Variants in CAMK4 observed in about 807,000 individuals in gnomAD.
The protein encoded by CAMK4 is calcium/calmodulin dependent protein kinase IV.
Under a neutral mutation model 44.9 loss-of-function variants are expected in CAMK4, and 22 were observed. That is an observed-to-expected ratio of 0.49 (90% CI 0.35 to 0.70). The LOEUF (loss-of-function observed/expected upper bound fraction) is 0.70. Ranked by LOEUF, CAMK4 falls within the 30% of genes least tolerant of loss-of-function variation. The pLI, the probability that CAMK4 is intolerant of heterozygous loss-of-function variation, is 0.01. For synonymous variants in CAMK4, 218 were observed against 215.4 expected (o/e 1.01, Z -0.11); for missense variants, 498 against 586.8 (o/e 0.85, Z 1.56).
At chr5:111,356,945 CAGAG>C (rs1214392662) in intron 2 of CAMK4, among the ~76,000 whole-genome samples, 3 of 151,654 alleles carry the variant, frequency 2.0e-5, no homozygotes, top group Non-Finnish European at 4.4e-5. Flanking sequence ...GACAGAAAGA[CAGAG>C]AGAGAGAGAC....
Position 111,459,686 on chromosome 5 carries a change from C to CTTTTTTTTTTTTTTTTT in CAMK4, c.625+10493_625+10509dup, listed in dbSNP as rs56176713. Among the ~76,000 whole-genome samples, 14 of 86,688 alleles carry CTTTTTTTTTTTTTTTTT rather than the reference C, an allele frequency of 1.6e-4. 1 individual carries two copies. Among genetic ancestry groups the CTTTTTTTTTTTTTTTTT allele is most frequent in the African/African-American group, 7.0e-4 (14 of 20,122 alleles). 56.9% of individuals were successfully genotyped at this position (86,688 alleles called of 152,430 possible). ...TGTTCTCTTTGAGTTTAGAGACAGT[C>CTTTTTTTTTTTTTTTTT]TTTTTTTTTTTTTTTTTTTTTTTTT... On this transcript the variant is annotated intron_variant, in intron 7 of 10. Transcript: ENST00000282356.
chr5:111,426,865 A>G (rs574227524), intron 5 of CAMK4, among the ~76,000 whole-genome samples: 8 of 152,180 alleles, frequency 5.3e-5, no homozygotes, highest in Non-Finnish European at 1.0e-4. Flanking sequence ...GTTTCCACAA[A>G]CCTCATCACC....
At chr5:111,308,691 A>T (rs1045158976) in intron 1 of CAMK4, among the ~76,000 whole-genome samples, 1 of 152,194 alleles carries the variant, frequency 6.6e-6, no homozygotes, top group African/African-American at 2.4e-5. Flanking sequence ...AGTTATGTAA[A>T]ATTCTCCTAG....
At chr5:111,266,916 G>C (rs373233652) in intron 1 of CAMK4, among the ~76,000 whole-genome samples, 4 of 152,168 alleles carry the variant, frequency 2.6e-5, no homozygotes, top group African/African-American at 9.7e-5. Context: ...CAGCCTCTCT[G>C]TTTTCTTTTC....
chr5:111,346,972 A>G (rs1389630935), intron 2 of CAMK4, among the ~76,000 whole-genome samples: 2 of 152,130 alleles, frequency 1.3e-5, no homozygotes, highest in South Asian at 2.1e-4. Context: ...CGGGTACACT[A>G]TGAAAGGTAA....
At chr5:111,342,010 C>T (rs994788378) in intron 1 of CAMK4, among the ~76,000 whole-genome samples, 3 of 151,418 alleles carry the variant, frequency 2.0e-5, no homozygotes, top group South Asian at 4.1e-4. Context: ...TCTTCAACAC[C>T]GCTCTCTCGA....
chr5:111,333,152 G>A (rs555859127), intron 1 of CAMK4, among the ~76,000 whole-genome samples: 3 of 151,678 alleles, frequency 2.0e-5, no homozygotes, highest in East Asian at 2.0e-4. Flanking sequence ...ATGGAATTGT[G>A]TAGATACACA....
intron 1 of CAMK4, among the ~76,000 whole-genome samples, chr5:111,252,978 G>A (rs937275503): frequency 1.3e-5 from 2 of 152,132 alleles, no homozygotes; most frequent in Non-Finnish European, 2.9e-5. Context: ...AAGAGATAGA[G>A]GGCTCAGGCT....
At chr5:111,255,961 C>T (rs1749724908) in intron 1 of CAMK4, among the ~76,000 whole-genome samples, 1 of 152,140 alleles carries the variant, frequency 6.6e-6, no homozygotes, top group Non-Finnish European at 1.5e-5. Flanking sequence ...TCCCCAAGGT[C>T]AGTTTCCTTA....
At chr5:111,363,160 T>G (rs1199751897) in intron 2 of CAMK4, among the ~76,000 whole-genome samples, 1 of 152,086 alleles carries the variant, frequency 6.6e-6, no homozygotes, top group African/African-American at 2.4e-5. Context: ...ATAATTTATA[T>G]TTTTCCAAGT....
At chr5:111,292,809 T>G (rs1240035805) in intron 1 of CAMK4, among the ~76,000 whole-genome samples, 1 of 152,036 alleles carries the variant, frequency 6.6e-6, no homozygotes, top group African/African-American at 2.4e-5. Flanking sequence ...TGCACACCTG[T>G]AGTTCTAGCT....
At chr5:111,396,931 G>A (rs1752035703) in intron 5 of CAMK4, among the ~76,000 whole-genome samples, 1 of 151,960 alleles carries the variant, frequency 6.6e-6, no homozygotes, top group South Asian at 2.1e-4. Flanking sequence ...GTGAGCCACC[G>A]CACCCAGCCA....
intron 2 of CAMK4, among the ~76,000 whole-genome samples, chr5:111,345,670 A>T (rs1296985528): frequency 6.6e-6 from 1 of 151,970 alleles, no homozygotes; most frequent in African/African-American, 2.4e-5. Flanking sequence ...TAGAAATTAC[A>T]TGTGAATGCT....
At chr5:111,483,844 T>A (rs1324529770) in intron 10 of CAMK4, among the ~76,000 whole-genome samples, 182 bp from the exon 11 acceptor site, 4 of 152,192 alleles carry the variant, frequency 2.6e-5, no homozygotes, top group African/African-American at 9.7e-5. Context: ...TAATTTGAGA[T>A]GAAAGAGGTT....
At chr5:111,265,867 T>C (rs1750217400) in intron 1 of CAMK4, 1 of 152,148 alleles carries the variant, frequency 6.6e-6, no homozygotes, top group Non-Finnish European at 1.5e-5. Flanking sequence ...CATGTGGAGA[T>C]ACAGAAGAAA....
At chr5:111,252,035 G>T (rs185135202) in intron 1 of CAMK4, among the ~76,000 whole-genome samples, 7 of 152,148 alleles carry the variant, frequency 4.6e-5, no homozygotes, top group African/African-American at 9.7e-5. Context: ...TTCTGGAGTC[G>T]TGTTAGCATA....
rs139004418 is a variant in CAMK4, at chr5:111,486,542, C to CACACACACAAT, written c.*2076_*2077insACACACACAAT. ...ACACACACACACACACACACACACACGTGTTGGAAGAGCAAAGAGAGGGAA... is the reference window on the plus strand; with the variant it reads ...ACACACACACACACACACACACACACACACACACAATGTGTTGGAAGAGCAAAGAGAGGGAA... On this transcript the variant is annotated 3_prime_UTR_variant, in exon 11 of 11. Transcript: ENST00000282356. The CACACACACAAT allele has an allele frequency of 1.2e-4, 18 of 147,244 alleles. No individual in the cohort carries two copies. Among genetic ancestry groups the CACACACACAAT allele is most frequent in the African/African-American group, 4.5e-4 (18 of 39,760 alleles). 9.1% of individuals were successfully genotyped at this position (147,244 alleles called of 1,614,324 possible).
chr5:111,358,093 TGA>T, intron 2 of CAMK4: 1 of 152,218 alleles, frequency 6.6e-6, no homozygotes, highest in East Asian at 1.9e-4. Flanking sequence ...AAGCCTTTAT[TGA>T]CACAGGCACA....
At chr5:111,471,079 A>G (rs1580797955) in intron 7 of CAMK4, among the ~76,000 whole-genome samples, 1 of 152,196 alleles carries the variant, frequency 6.6e-6, no homozygotes, top group Non-Finnish European at 1.5e-5. Context: ...TGTTGAAGCC[A>G]TGTTTTATCT....
Sources: allele counts gnomAD v4.1 joint callset (sites outside exome capture counted in the v4.1 genomes callset), GRCh38; gene constraint gnomAD v4.1.1; transcripts MANE v1.5; gene names NCBI Gene and HGNC (gene_info 2026-07-23, HGNC 2026-07-21).